The following SCRG1 variants were observed in gnomAD, a reference collection of about 807,000 sequenced individuals.
The protein encoded by SCRG1 is stimulator of chondrogenesis 1, also known as scrapie-responsive protein 1.
Under a neutral mutation model 7.7 loss-of-function variants are expected in SCRG1, and 3 were observed. The ratio of observed to expected loss-of-function variants is 0.39; its 90% CI spans 0.18 to 1.01. The LOEUF (loss-of-function observed/expected upper bound fraction) is 1.01, where lower values mean the gene tolerates loss of function less well. Among genes scored for constraint, SCRG1 ranks in the 50% least tolerant of loss-of-function variants. The pLI, the probability that SCRG1 is intolerant of heterozygous loss-of-function variation, is 0.36. For synonymous variants in SCRG1, 46 were observed against 41.2 expected, an observed-to-expected ratio of 1.12 and a Z score of -0.44; for missense variants, 110 against 117.2, an observed-to-expected ratio of 0.94 and a Z score of 0.28.
At chr4:173,482,798 A>T in the SCRG1 span, among the ~76,000 whole-genome samples, 1 of 150,120 alleles carries the variant, frequency 6.7e-6, no homozygotes, top group Non-Finnish European at 1.5e-5. Context: ...AGCCTGGGTG[A>T]CAAAGTGAGA....
the SCRG1 span, among the ~76,000 whole-genome samples, chr4:173,481,505 C>A: frequency 3.3e-5 from 5 of 152,158 alleles, no homozygotes; most frequent in African/African-American, 1.2e-4. Flanking sequence ...CAGGTTTGAA[C>A]TGCGAGGGTC....
chr4:173,517,971 T>A, the SCRG1 span, among the ~76,000 whole-genome samples: 4 of 152,244 alleles, frequency 2.6e-5, no homozygotes, highest in Non-Finnish European at 5.9e-5. Flanking sequence ...CTCCTCTCTC[T>A]GCTCCCCAGA....
the SCRG1 span, among the ~76,000 whole-genome samples, chr4:173,447,800 A>G: frequency 6.6e-6 from 1 of 152,186 alleles, no homozygotes; most frequent in African/African-American, 2.4e-5. Context: ...AAAGCATGAC[A>G]GTTGTCAGGA....
At chr4:173,456,605 CTT>C in the SCRG1 span, among the ~76,000 whole-genome samples, 1 of 152,080 alleles carries the variant, frequency 6.6e-6, no homozygotes, top group Non-Finnish European at 1.5e-5. Context: ...GTAATGCACA[CTT>C]ATTTGAAAAC....
At chr4:173,517,039 G>A in the SCRG1 span, among the ~76,000 whole-genome samples, 3 of 152,242 alleles carry the variant, frequency 2.0e-5, no homozygotes, top group African/African-American at 7.2e-5. Flanking sequence ...CTACAGGGGA[G>A]GGAGAGAGGG....
chr4:173,388,777 G>T (rs866363407), intron 2 of SCRG1, among the ~76,000 whole-genome samples: 4 of 152,200 alleles, frequency 2.6e-5, no homozygotes, highest in South Asian at 2.1e-4. Flanking sequence ...TAAATTTCTA[G>T]GTTTTATGGG....
the SCRG1 span, among the ~76,000 whole-genome samples, chr4:173,470,907 G>C: frequency 6.6e-6 from 1 of 152,060 alleles, no homozygotes; most frequent in Non-Finnish European, 1.5e-5. Context: ...AAAGATCAAA[G>C]GGCATGAATT....
the SCRG1 span, among the ~76,000 whole-genome samples, chr4:173,440,296 T>C: frequency 1.3e-5 from 2 of 152,220 alleles, no homozygotes; most frequent in African/African-American, 4.8e-5. Flanking sequence ...TGCTTTTCCA[T>C]ATTTTGTTAC....
rs749325462 is a variant in SCRG1 at position 173,387,705 on chromosome 4, C to CTTTTTTTT, written c.*628_*635dup. The CTTTTTTTT allele has an allele frequency of 1.2e-4, 8 of 66,954 alleles. No individual in the cohort carries two copies. The highest frequency in any genetic ancestry group is 1.8e-4 in the African/African-American group (3 of 16,428). The allele number at this position is 66,954 out of a possible 1,614,324, so 4.1% of individuals were successfully genotyped here. A position where few individuals can be genotyped will look rare whatever the true frequency, so the allele number is the denominator to read the frequency against. On this transcript the variant is annotated 3_prime_UTR_variant, in exon 3 of 3. Transcript: ENST00000296506. The stretch of plus-strand genomic sequence containing the variant: ...TACCCTCAAATATTGTTCCCTTTTC[C>CTTTTTTTT]TTTTTTTTTTTTTTTTTTTTTTTTC...
chr4:173,516,541 C>G, the SCRG1 span, among the ~76,000 whole-genome samples: 1 of 152,196 alleles, frequency 6.6e-6, no homozygotes, highest in African/African-American at 2.4e-5. Flanking sequence ...GTTCATAGTT[C>G]AAGGAAAACT....
In SCRG1 at chr4:173,393,888, A is replaced by C. The variant is rs141541326; in HGVS notation, c.-14-2460T>G. 3.0e-3 allele frequency among the ~76,000 whole-genome samples: 453 copies of C among 152,204 alleles called. 6 individuals are homozygous for C. The highest frequency in any genetic ancestry group is 0.011 in the African/African-American group (437 of 41,558). On this transcript the variant is annotated intron_variant, in intron 1 of 2. Coordinates refer to ENST00000296506, the MANE Select transcript of SCRG1 (RefSeq NM_007281.4). ...TACTTTCTTCTTTGTCTCTTGTGAC[A>C]GTTTTCTACTTATAGTCTATTTTGT...
At chr4:173,469,316 CAG>C in the SCRG1 span, 7 of 151,936 alleles carry the variant, frequency 4.6e-5, no homozygotes, top group Non-Finnish European at 1.0e-4. Context: ...ATAACAGACT[CAG>C]AATTTTGTCA....
chr4:173,391,459 A>T (rs185124703), intron 1 of SCRG1, 31 bp from the exon 2 acceptor site: 2 of 1,608,594 alleles, frequency 1.2e-6, no homozygotes, highest in Admixed American at 3.4e-5. Context: ...AAATGTGTCA[A>T]TGTTTGTTTT....
upstream of SCRG1, among the ~76,000 whole-genome samples, chr4:173,402,723 A>T (rs939938661): frequency 2.0e-5 from 3 of 151,846 alleles, no homozygotes; most frequent in Admixed American, 1.3e-4. Context: ...CTCAGGCTTG[A>T]CTCCTTCTGG....
the SCRG1 span, among the ~76,000 whole-genome samples, chr4:173,485,158 A>T: frequency 6.0e-3 from 518 of 85,930 alleles, 140 homozygotes; most frequent in African/African-American, 0.031. Flanking sequence ...GTAATATATA[A>T]TATATTATAT....
the SCRG1 span, among the ~76,000 whole-genome samples, chr4:173,508,082 T>A: frequency 6.6e-6 from 1 of 152,150 alleles, no homozygotes; most frequent in African/African-American, 2.4e-5. This position sits in a 1 kb window ranked among gnomAD's most constrained non-coding sequence, Gnocchi z 4.4. Flanking sequence ...AAGCTGGCAG[T>A]GCCTGGGAAA....
At chr4:173,401,081 T>G (rs749323176), upstream of SCRG1, among the ~76,000 whole-genome samples, 1 of 152,098 alleles carries the variant, frequency 6.6e-6, no homozygotes, top group Non-Finnish European at 1.5e-5. Context: ...CACCCTGATA[T>G]GAAGGTAGGC....
chr4:173,451,184 T>C, the SCRG1 span, among the ~76,000 whole-genome samples: 2 of 151,318 alleles, frequency 1.3e-5, no homozygotes, highest in South Asian at 4.2e-4. Context: ...CAACAGCCTC[T>C]GATCTCCTAG....
Position 173,387,763 on chromosome 4 carries a change from A to G in SCRG1, c.*578T>C, listed in dbSNP as rs768892742. The G allele has an allele frequency of 1.6e-5, 2 of 126,344 alleles. No homozygotes were observed. Among genetic ancestry groups the G allele is most frequent in the Non-Finnish European group, 3.1e-5 (2 of 64,376 alleles). The allele number at this position is 126,344 out of a possible 1,614,324, so 7.8% of individuals were successfully genotyped here. On this transcript the variant is annotated 3_prime_UTR_variant, in exon 3 of 3. Transcript: ENST00000296506. ...GGTCTTGCTCTGTCACCCAGGCTAG[A>G]GTGCAGTAGTGCAATCATAGCTCAC...
Sources: gnomAD v4.1 joint callset for allele counts (sites outside exome capture counted in the v4.1 genomes callset) on GRCh38, gnomAD v4.1.1 for gene constraint, Gnocchi (gnomAD v3.1) non-coding constraint, MANE v1.5 for transcripts, NCBI Gene and HGNC (gene_info 2026-07-23, HGNC 2026-07-21) for gene names.